The following LIN7C variants were observed in gnomAD, a reference collection of about 807,000 sequenced individuals.
LIN7C encodes the protein protein lin-7 homolog C.
In LIN7C, 17 loss-of-function variants were observed where a neutral mutation model predicts 24.7. The ratio of observed to expected loss-of-function variants is 0.69; its 90% CI spans 0.47 to 1.03. The LOEUF (loss-of-function observed/expected upper bound fraction) is 1.03. Ranked by LOEUF, LIN7C falls within the 50% of genes least tolerant of loss-of-function variation. The pLI is 0.00. For synonymous variants in LIN7C, 90 were observed against 83.4 expected (o/e 1.08, Z -0.43); for missense variants, 204 against 239.0 (o/e 0.85, Z 0.97).
Position 27,495,503 on chromosome 11 carries a change from A to C in LIN7C, c.*3146T>G, listed in dbSNP as rs1308093327. The C allele has an allele frequency of 6.6e-6, 1 of 152,012 alleles. No individual in the cohort carries two copies. Among genetic ancestry groups the C allele is most frequent in the African/African-American group, 2.4e-5 (1 of 41,316 alleles). The allele number at this position is 152,012 out of a possible 1,614,324, so 9.4% of individuals were successfully genotyped here. On this transcript the variant is annotated 3_prime_UTR_variant, in exon 5 of 5. Transcript: ENST00000278193. ...AAAACAAAAACAAAAAACAAAAAAA[A>C]AATTTGAATCGTCAAATCCTAAAGA...
At position 27,498,806 on chromosome 11, in the gene LIN7C, TA is replaced by T. The variant is rs781740226; in HGVS notation, c.439-3del. On this transcript the variant is annotated splice_region_variant and splice_polypyrimidine_tract_variant and intron_variant, in intron 4 of 4. Transcript: ENST00000278193. ...TTCATGATGTTCTCCTTCAACACTC[TA>T]GGGGAAAAAAAAACAACCAACCATA... 1 of 1,607,452 alleles carries T rather than the reference TA, an allele frequency of 6.2e-7. No homozygotes were observed. The highest frequency in any genetic ancestry group is 1.1e-5 in the South Asian group (1 of 88,886).
chr11:27,504,733 C>T (rs905800143), intron 1 of LIN7C, among the ~76,000 whole-genome samples: 1 of 152,156 alleles, frequency 6.6e-6, no homozygotes, highest in Non-Finnish European at 1.5e-5. Context: ...TTTAAATAAT[C>T]TCTAGATTAC....
rs1461913901 is a variant in LIN7C, at chr11:27,497,704, G to C, written c.*945C>G. Reference sequence around the variant, plus strand: ...TACTCTTGAAGCTAGTGAGGTTAAAGGTATTACTTTTCCTTCTTTGCTTCA... The same window carrying C: ...TACTCTTGAAGCTAGTGAGGTTAAACGTATTACTTTTCCTTCTTTGCTTCA... On this transcript the variant is annotated 3_prime_UTR_variant, in exon 5 of 5. Coordinates refer to ENST00000278193, the MANE Select transcript of LIN7C (RefSeq NM_018362.4). The C allele has an allele frequency of 6.6e-6, 1 of 152,008 alleles. No homozygotes were observed. Among genetic ancestry groups the C allele is most frequent in the African/African-American group, 2.4e-5 (1 of 41,394 alleles). 9.4% of individuals were successfully genotyped at this position (152,008 alleles called of 1,614,324 possible).
intron 1 of LIN7C, among the ~76,000 whole-genome samples, chr11:27,505,960 T>C (rs963673618): frequency 1.3e-5 from 2 of 152,248 alleles, no homozygotes; most frequent in Non-Finnish European, 2.9e-5. Flanking sequence ...GGTAGGCGCA[T>C]AGCCAGTTAT....
chr11:27,501,527 T>C lies in LIN7C; in HGVS notation c.196A>G (p.Ser66Gly), dbSNP rs2133489285. 3 of 1,604,706 alleles carry C rather than the reference T, an allele frequency of 1.9e-6. No homozygotes were observed. Among genetic ancestry groups the C allele is most frequent in the South Asian group, 2.3e-5 (2 of 88,454 alleles). Residue 66 changes from serine (S) to glycine (G), a missense_variant, in exon 3 of 5, where the codon AGT becomes GGT. By Grantham distance (56) the Ser-to-Gly change is moderately conservative. Transcript: ENST00000278193. ...HVYETVDISS[S>G]PEVRANATAK... is the part of the protein sequence containing the mutation. ...GTAGCGTTCGCTCTCACTTCAGGAC[T>C]GCTACTGATGTCCACAGTCTCATAG...
intron 3 of LIN7C, among the ~76,000 whole-genome samples, chr11:27,500,776 C>A (rs1340406798): frequency 6.6e-6 from 1 of 152,164 alleles, no homozygotes; most frequent in Admixed American, 6.5e-5. Flanking sequence ...ACTCACACAA[C>A]TCAGCAATTA....
intron 4 of LIN7C, among the ~76,000 whole-genome samples, 188 bp from the exon 5 acceptor site, chr11:27,498,992 TTC>T (rs1165229097): frequency 2.0e-5 from 3 of 152,226 alleles, no homozygotes; most frequent in Admixed American, 6.5e-5. Flanking sequence ...TTACATCATA[TTC>T]TGTTTATAGT....
intron 1 of LIN7C, among the ~76,000 whole-genome samples, chr11:27,504,458 G>C (rs1865254280): frequency 6.6e-6 from 1 of 152,132 alleles, no homozygotes; most frequent in Admixed American, 6.5e-5. Context: ...TATTGTAATT[G>C]TACTGTAGGA....
In LIN7C at chr11:27,497,298, A is replaced by G. The variant is rs1049961982; in HGVS notation, c.*1351T>C. 4 of 152,590 alleles carry G rather than the reference A, an allele frequency of 2.6e-5. No homozygotes were observed. The highest frequency in any genetic ancestry group is 7.2e-5 in the African/African-American group (3 of 41,460). The allele number at this position is 152,590 out of a possible 1,614,324, so 9.5% of individuals were successfully genotyped here. The stretch of plus-strand genomic sequence containing the variant: ...ATAGGGTCAATATGCCAAATTACTT[A>G]TATTTTTCAATCCATCATCTTCTAA... On this transcript the variant is annotated 3_prime_UTR_variant, in exon 5 of 5. Transcript: ENST00000278193.
chr11:27,500,841 G>C (rs1245795570), intron 3 of LIN7C, among the ~76,000 whole-genome samples: 1 of 152,108 alleles, frequency 6.6e-6, no homozygotes, highest in Non-Finnish European at 1.5e-5. Flanking sequence ...ACATGTTTAA[G>C]TATTTGTATT....
Position 27,497,820 on chromosome 11 carries a change from T to C in LIN7C, c.*829A>G, listed in dbSNP as rs1291814990. 6.6e-6 allele frequency: 1 copy of C among 152,084 alleles called. No individual in the cohort carries two copies. The highest frequency in any genetic ancestry group is 2.4e-5 in the African/African-American group (1 of 41,438). The allele number at this position is 152,084 out of a possible 1,614,324, so 9.4% of individuals were successfully genotyped here. A position where few individuals can be genotyped will look rare whatever the true frequency, so the allele number is the denominator to read the frequency against. ...TACTGTGCATTTAAATAAAAATGAA[T>C]AGTATTTAAAAGAAATCACAAAAGA... is the stretch of plus-strand genomic sequence containing the variant. On this transcript the variant is annotated 3_prime_UTR_variant, in exon 5 of 5. Transcript: ENST00000278193.
At chr11:27,501,967 A>C in intron 1 of LIN7C, 47 bp from the exon 2 acceptor site, 2 of 1,171,944 alleles carry the variant, frequency 1.7e-6, no homozygotes, top group Non-Finnish European at 2.6e-6. Flanking sequence ...GGGTTTTCTC[A>C]ATGCCTATGT....
At chr11:27,506,546 C>G (rs1865302176) in intron 1 of LIN7C, among the ~76,000 whole-genome samples, 170 bp downstream of exon 1, 1 of 152,158 alleles carries the variant, frequency 6.6e-6, no homozygotes. Flanking sequence ...GACAAAATAC[C>G]GTAAGCGCCC....
Position 27,501,829 on chromosome 11 carries a change from T to C in LIN7C, c.129A>G (p.Gln43=). 1 of 1,612,136 alleles carries C rather than the reference T, an allele frequency of 6.2e-7. No individual in the cohort carries two copies. Among genetic ancestry groups the C allele is most frequent in the Non-Finnish European group, 8.5e-7 (1 of 1,178,274 alleles). Residue 43 remains glutamine, a synonymous_variant, in exon 2 of 5, where the codon CAA becomes CAG. Transcript: ENST00000278193. ...CTCTCACAGCATTGCAGAATTCACT[T>C]TGAAGGACTCTTTGCAAAGCCTGAA... The part of the protein sequence containing the change: ...QKLQALQRVL[Q]SEFCNAVREV...
chr11:27,505,275 T>A (rs190283349), intron 1 of LIN7C, among the ~76,000 whole-genome samples: 1 of 152,198 alleles, frequency 6.6e-6, no homozygotes, highest in Non-Finnish European at 1.5e-5. Flanking sequence ...GAGGTTGCAG[T>A]GAGCCGAGAT....
At position 27,498,531 on chromosome 11, in the gene LIN7C, G is replaced by A. The variant is rs1266565474; in HGVS notation, c.*118C>T. 38 of 930,086 alleles carry A rather than the reference G, an allele frequency of 4.1e-5. No homozygotes were observed. In the East Asian group the frequency reaches 8.1e-4, roughly 20 times the overall value. 57.6% of individuals were successfully genotyped at this position (930,086 alleles called of 1,614,324 possible). ...ATAGGCATTTATAAAATGACAAGGA[G>A]AATTTCATGATAAATTTGTTTGTTT... On this transcript the variant is annotated 3_prime_UTR_variant, in exon 5 of 5. Transcript: ENST00000278193.
At chr11:27,503,326 T>C (rs1402012011) in intron 1 of LIN7C, among the ~76,000 whole-genome samples, 1 of 152,218 alleles carries the variant, frequency 6.6e-6, no homozygotes, top group Non-Finnish European at 1.5e-5. Context: ...AAAACTGTTT[T>C]GGTATACTGT....
chr11:27,504,763 G>A (rs1044147621), intron 1 of LIN7C, among the ~76,000 whole-genome samples: 6 of 152,164 alleles, frequency 3.9e-5, no homozygotes, highest in African/African-American at 7.2e-5. Flanking sequence ...CTGACGCTAC[G>A]TAAACAGTTG....
chr11:27,501,807 T>C lies in LIN7C; in HGVS notation c.151A>G (p.Arg51Gly). The change falls in exon 2 of 5, where the codon AGA becomes GGA. Residue 51 changes from arginine to glycine, a missense_variant. Physicochemically the swap from Arg to Gly is moderately radical, Grantham distance 125. Transcript: ENST00000278193. ...TTTTAATGATGTTTACTCACCTCTC[T>C]CACAGCATTGCAGAATTCACTTTGA... is the stretch of plus-strand genomic sequence containing the variant. ...VLQSEFCNAV[R>G]EVYEHVYETV... 1.9e-6 allele frequency: 3 copies of C among 1,597,032 alleles called. No individual in the cohort carries two copies. Among genetic ancestry groups the C allele is most frequent in the Non-Finnish European group, 2.6e-6 (3 of 1,165,210 alleles).
Sources: allele counts gnomAD v4.1 joint callset (sites outside exome capture counted in the v4.1 genomes callset), GRCh38; gene constraint gnomAD v4.1.1; transcripts MANE v1.5; gene names NCBI Gene and HGNC (gene_info 2026-07-23, HGNC 2026-07-21).